Variants in PAX9 observed in about 807,000 individuals in gnomAD.
The protein encoded by PAX9 is paired box protein Pax-9.
Under a neutral mutation model 29.1 loss-of-function variants are expected in PAX9, and 6 were observed. The ratio of observed to expected loss-of-function variants is 0.21; its 90% CI spans 0.11 to 0.41. PAX9 has a LOEUF of 0.41. Among genes scored for constraint, PAX9 ranks in the 10% least tolerant of loss-of-function variants. The probability of loss-of-function intolerance (pLI) is 1.00; values close to 1 mark genes in which losing one functional copy is unlikely to be tolerated. For synonymous variants in PAX9, 217 were observed against 211.7 expected (o/e 1.03, Z -0.22); for missense variants, 443 against 479.1 (o/e 0.92, Z 0.70).
rs1266569973 is a variant in PAX9, at chr14:36,676,294, A to T, written c.868A>T (p.Ser290Cys). 1 of 1,614,124 alleles carries T rather than the reference A, an allele frequency of 6.2e-7. No individual in the cohort carries two copies. The highest frequency in any genetic ancestry group is 1.1e-5 in the South Asian group (1 of 91,076). The change falls in exon 4 of 4, where the codon AGT becomes TGT. Residue 290 changes from serine (S) to cysteine (C), a missense_variant. Ser to Cys is a moderately radical substitution (Grantham distance 112). Transcript: ENST00000361487. ...PAQVSPYMTY[S>C]AAPSGYVAGH... Reference sequence around the variant, plus strand: ...CCAAGTGTCGCCTTACATGACCTACAGTGCTGCTCCTTCTGGTTATGTTGC... The same window carrying T: ...CCAAGTGTCGCCTTACATGACCTACTGTGCTGCTCCTTCTGGTTATGTTGC...
intron 3 of PAX9, among the ~76,000 whole-genome samples, chr14:36,675,286 G>C (rs1156579375): frequency 2.0e-5 from 3 of 152,144 alleles, no homozygotes; most frequent in Non-Finnish European, 2.9e-5. Flanking sequence ...AAAAATCAGG[G>C]TGTTTTTAGT....
At chr14:36,667,721 A>G (rs1881559111) in intron 3 of PAX9, among the ~76,000 whole-genome samples, 1 of 152,202 alleles carries the variant, frequency 6.6e-6, no homozygotes, top group Admixed American at 6.5e-5. Context: ...ATCAGAATAC[A>G]TATTAGTGGC....
In PAX9 at chr14:36,666,483, A is replaced by G. The variant is rs756212377; in HGVS notation, c.653A>G (p.His218Arg). The G allele has an allele frequency of 1.9e-6, 3 of 1,610,860 alleles. No homozygotes were observed. Among genetic ancestry groups the G allele is most frequent in the African/African-American group, 1.3e-5 (1 of 74,834 alleles). The stretch of plus-strand genomic sequence containing the variant: ...TCAGTGAGCGACAGCTCCCCCTACC[A>G]CAGCCCCAAGGTGGAGGAGTGGAGC... ...TDQVSDSSPY[H>R]SPKVEEWSSL... The change falls in exon 3 of 4, where the codon CAC becomes CGC. Residue 218 changes from histidine (H) to arginine (R), a missense_variant. Coordinates refer to ENST00000361487, the MANE Select transcript of PAX9 (RefSeq NM_001372076.1).
In PAX9 at chr14:36,663,235, T is replaced by C. The variant is rs779248666; in HGVS notation, c.343T>C (p.Tyr115His). The C allele has an allele frequency of 1.5e-5, 25 of 1,614,066 alleles. No individual in the cohort carries two copies. The highest frequency in any genetic ancestry group is 2.0e-5 in the Non-Finnish European group (24 of 1,180,036). ...RLLADGVCDKYNVPSVSSISR... is the reference protein window; with the variant it reads ...RLLADGVCDKHNVPSVSSISR... Reference sequence around the variant, plus strand: ...GCTGGCGGACGGCGTGTGCGACAAGTACAATGTGCCCTCCGTGAGCTCCAT... The same window carrying C: ...GCTGGCGGACGGCGTGTGCGACAAGCACAATGTGCCCTCCGTGAGCTCCAT... Residue 115 changes from tyrosine (Y) to histidine (H), a missense_variant, in exon 2 of 4, where the codon TAC becomes CAC. Physicochemically the swap from Tyr to His is moderately conservative, Grantham distance 83. Coordinates refer to ENST00000361487, the MANE Select transcript of PAX9 (RefSeq NM_001372076.1).
chr14:36,660,151 C>A (rs548925745), upstream of PAX9, among the ~76,000 whole-genome samples: 3 of 152,284 alleles, frequency 2.0e-5, no homozygotes, highest in East Asian at 3.9e-4. Context: ...GCGGCAAAGT[C>A]TCAACTAATT....
Position 36,663,289 on chromosome 14 carries a change from A to C in PAX9, c.397A>C (p.Asn133His). ...ISRILRNKIG[N>H]LAQQGHYDSY... ...CCGCATTCTGCGCAACAAGATCGGC[A>C]ACTTGGCCCAGCAGGGTCATTACGA... The change falls in exon 2 of 4, where the codon AAC becomes CAC. Residue 133 changes from asparagine (N) to histidine (H), a missense_variant. By Grantham distance (68) the Asn-to-His change is moderately conservative. Coordinates refer to ENST00000361487, the MANE Select transcript of PAX9 (RefSeq NM_001372076.1). 1 of 1,614,162 alleles carries C rather than the reference A, an allele frequency of 6.2e-7. No individual in the cohort carries two copies. Among genetic ancestry groups the C allele is most frequent in the Non-Finnish European group, 8.5e-7 (1 of 1,180,026 alleles).
Position 36,663,393 on chromosome 14 carries a change from G to A in PAX9, c.501G>A (p.Thr167=), listed in dbSNP as rs1594467316. The change falls in exon 2 of 4, where the codon ACG becomes ACA. Residue 167 remains threonine, a synonymous_variant. Transcript: ENST00000361487. ...NHIYSYPSPI[T]AAAAKVPTPP... is the part of the protein sequence containing the mutation. Reference sequence around the variant, plus strand: ...TCTACTCGTACCCCAGCCCTATCACGGCGGCGGCCGCCAAGGTGCCCACGC... The same window carrying A: ...TCTACTCGTACCCCAGCCCTATCACAGCGGCGGCCGCCAAGGTGCCCACGC... 3 of 1,613,354 alleles carry A rather than the reference G, an allele frequency of 1.9e-6. No homozygotes were observed. Among genetic ancestry groups the A allele is most frequent in the Non-Finnish European group, 8.5e-7 (1 of 1,179,866 alleles).
chr14:36,678,985 C>G lies in PAX9; in HGVS notation c.*2533C>G. The G allele has an allele frequency of 1.0e-6, 1 of 979,532 alleles. No homozygotes were observed. Among genetic ancestry groups the G allele is most frequent in the African/African-American group, 1.8e-5 (1 of 55,754 alleles). 60.7% of individuals were successfully genotyped at this position (979,532 alleles called of 1,614,324 possible). On this transcript the variant is annotated 3_prime_UTR_variant, in exon 4 of 4. Transcript: ENST00000361487. ...ATTGGTTAATGTTGACATATTTCCT[C>G]TATCTCATAGATGGTAAAAGTGTTG...
chr14:36,673,450 A>G (rs1360350540), intron 3 of PAX9, among the ~76,000 whole-genome samples: 1 of 152,178 alleles, frequency 6.6e-6, no homozygotes, highest in African/African-American at 2.4e-5. Flanking sequence ...GCCTAAATCC[A>G]ATGTCCTGCC....
In PAX9 at chr14:36,678,524, T is replaced by A. The variant is rs1882019264; in HGVS notation, c.*2072T>A. On this transcript the variant is annotated 3_prime_UTR_variant, in exon 4 of 4. Coordinates refer to ENST00000361487, the MANE Select transcript of PAX9 (RefSeq NM_001372076.1). ...GACTATAAACTGAATGGAACAAAGATCCAATCCAATATTTTGGTGGAGACT... is the reference window on the plus strand; with the variant it reads ...GACTATAAACTGAATGGAACAAAGAACCAATCCAATATTTTGGTGGAGACT... The A allele has an allele frequency of 2.0e-6, 3 of 1,536,886 alleles. No individual in the cohort carries two copies. In the South Asian group the frequency reaches 3.6e-5, roughly 18 times the overall value.
intron 3 of PAX9, among the ~76,000 whole-genome samples, chr14:36,670,694 A>G (rs188794521): frequency 6.6e-6 from 1 of 152,218 alleles, no homozygotes; most frequent in African/African-American, 2.4e-5. Flanking sequence ...TTTAACCAGT[A>G]GTATTTCAAA....
intron 3 of PAX9, among the ~76,000 whole-genome samples, chr14:36,671,326 ATGGTGGTCACAAGTGTTT>A (rs1209572172): frequency 3.3e-5 from 5 of 152,128 alleles, no homozygotes. Context: ...TACCAGTTTT[ATGGTGGTCACAAGTGTTT>A]TGATACTAAC....
chr14:36,669,490 A>G (rs1342922871), intron 3 of PAX9, among the ~76,000 whole-genome samples: 1 of 152,174 alleles, frequency 6.6e-6, no homozygotes, highest in Non-Finnish European at 1.5e-5. Flanking sequence ...GATTGTTATT[A>G]AATAGTGCAA....
chr14:36,678,897 C>T lies in PAX9; in HGVS notation c.*2445C>T. ...ATTCAAAGAAAATTATGATTTAAAG[C>T]CACTTTTTAAAATACGAGAAGGAAA... is the stretch of plus-strand genomic sequence containing the variant. On this transcript the variant is annotated 3_prime_UTR_variant, in exon 4 of 4. Coordinates refer to ENST00000361487, the MANE Select transcript of PAX9 (RefSeq NM_001372076.1). 7 of 976,274 alleles carry T rather than the reference C, an allele frequency of 7.2e-6. No individual in the cohort carries two copies. The highest frequency in any genetic ancestry group is 7.3e-6 in the Non-Finnish European group (6 of 820,968). The allele number at this position is 976,274 out of a possible 1,614,324, so 60.5% of individuals were successfully genotyped here.
chr14:36,659,017 G>A (rs1270980121), upstream of PAX9, among the ~76,000 whole-genome samples: 6 of 152,208 alleles, frequency 3.9e-5, no homozygotes. Context: ...GTCTCCCACT[G>A]AGTAAATATT....
At chr14:36,670,389 A>C (rs961808344) in intron 3 of PAX9, among the ~76,000 whole-genome samples, 3 of 152,084 alleles carry the variant, frequency 2.0e-5, no homozygotes, top group African/African-American at 7.2e-5. Flanking sequence ...TTAAAGATAT[A>C]ATCTGAAATT....
upstream of PAX9, among the ~76,000 whole-genome samples, chr14:36,659,227 C>T (rs191108112): frequency 2.1e-3 from 325 of 152,370 alleles, 7 homozygotes; most frequent in Admixed American, 0.017. Context: ...AGGCGGCAGA[C>T]TCCAGCTGAC....
intron 2 of PAX9, among the ~76,000 whole-genome samples, chr14:36,664,459 T>C (rs1185775710): frequency 1.3e-5 from 2 of 151,924 alleles, no homozygotes; most frequent in Admixed American, 1.3e-4. Flanking sequence ...TTCTCACCCC[T>C]GACCTTGCCT....
At chr14:36,661,715 A>C, upstream of PAX9, 1 of 360,166 alleles carries the variant, frequency 2.8e-6, no homozygotes, top group South Asian at 4.8e-5. Flanking sequence ...GTGGGGAGCT[A>C]GCCTGAAAGA....
Sources: allele counts gnomAD v4.1 joint callset (sites outside exome capture counted in the v4.1 genomes callset), GRCh38; gene constraint gnomAD v4.1.1; transcripts MANE v1.5; gene names NCBI Gene and HGNC (gene_info 2026-07-23, HGNC 2026-07-21).